The following OXR1 variants were observed in gnomAD, a reference collection of about 807,000 sequenced individuals.
OXR1 encodes oxidation resistance protein 1.
Under a neutral mutation model 104.6 loss-of-function variants are expected in OXR1, and 41 were observed. The ratio of observed to expected loss-of-function variants is 0.39; its 90% CI spans 0.31 to 0.51. The LOEUF is 0.51. Ranked by LOEUF, OXR1 falls within the 20% of genes least tolerant of loss-of-function variation. The probability of loss-of-function intolerance (pLI) is 0.77; values close to 1 mark genes in which losing one functional copy is unlikely to be tolerated. For synonymous variants in OXR1, 348 were observed against 348.4 expected, an observed-to-expected ratio of 1.00 and a Z score of 0.01; for missense variants, 955 against 1,031.9, an observed-to-expected ratio of 0.93 and a Z score of 1.02.
chr8:106,478,825 G>T (rs984015454), intron 2 of OXR1, among the ~76,000 whole-genome samples: 1 of 151,818 alleles, frequency 6.6e-6, no homozygotes, highest in Non-Finnish European at 1.5e-5. Context: ...CTGCAAGCAA[G>T]ATTTAAAAAT....
chr8:106,712,713 T>C (rs1831827318), intron 10 of OXR1, among the ~76,000 whole-genome samples: 2 of 152,050 alleles, frequency 1.3e-5, no homozygotes, highest in South Asian at 4.1e-4. Flanking sequence ...ATGTGTGTCT[T>C]CCACAACATT....
intron 15 of OXR1, among the ~76,000 whole-genome samples, chr8:106,745,081 CTA>C (rs1337441411): frequency 1.3e-5 from 2 of 152,052 alleles, no homozygotes; most frequent in African/African-American, 4.8e-5. Flanking sequence ...TGTTACATAA[CTA>C]TGAAAAACGA....
chr8:106,623,512 CACAT>C (rs980421853), intron 3 of OXR1, among the ~76,000 whole-genome samples: 11 of 152,006 alleles, frequency 7.2e-5, no homozygotes, highest in Non-Finnish European at 1.3e-4. Flanking sequence ...GAGAGACAGA[CACAT>C]ACTCAGACAA....
At chr8:106,683,840 T>C (rs759971949) in intron 5 of OXR1, among the ~76,000 whole-genome samples, 1 of 152,224 alleles carries the variant, frequency 6.6e-6, no homozygotes, top group Non-Finnish European at 1.5e-5. Flanking sequence ...ATTTCTACTC[T>C]TTTGCTAAGG....
chr8:106,606,668 T>G (rs1465569687), intron 3 of OXR1, among the ~76,000 whole-genome samples: 1 of 152,030 alleles, frequency 6.6e-6, no homozygotes, highest in African/African-American at 2.4e-5. Context: ...CACTTGGACC[T>G]TTTTGATTAC....
intron 3 of OXR1, chr8:106,522,902 G>C (rs1248220920): frequency 6.6e-6 from 1 of 152,222 alleles, no homozygotes; most frequent in African/African-American, 2.4e-5. Flanking sequence ...CTGCTCTGTA[G>C]TTCAGTCCAC....
intron 3 of OXR1, among the ~76,000 whole-genome samples, chr8:106,632,973 C>T (rs113178761): frequency 9.2e-5 from 14 of 151,388 alleles, no homozygotes; most frequent in African/African-American, 3.4e-4. Context: ...CGGTGGCTCA[C>T]ACCTGTAATC....
At chr8:106,456,561 G>A (rs1820604894) in intron 2 of OXR1, among the ~76,000 whole-genome samples, 1 of 152,110 alleles carries the variant, frequency 6.6e-6, no homozygotes. Flanking sequence ...GTAATTTGAA[G>A]AAGAAACAAA....
chr8:106,670,647 A>G (rs1185665498), intron 3 of OXR1, among the ~76,000 whole-genome samples: 1 of 152,134 alleles, frequency 6.6e-6, no homozygotes, highest in Non-Finnish European at 1.5e-5. Context: ...TTTAGCAGCA[A>G]ATTAGACACC....
chr8:106,639,391 T>G (rs1185731593), intron 3 of OXR1, among the ~76,000 whole-genome samples: 2 of 152,186 alleles, frequency 1.3e-5, no homozygotes, highest in Non-Finnish European at 2.9e-5. Flanking sequence ...AATTTTATTT[T>G]ATACAGAGAA....
chr8:106,679,329 G>C, intron 4 of OXR1, 37 bp downstream of exon 4: 3 of 1,103,594 alleles, frequency 2.7e-6, no homozygotes, highest in Non-Finnish European at 4.0e-6. Context: ...ATTTTTCTTT[G>C]TAAGAGTCTT....
intron 2 of OXR1, among the ~76,000 whole-genome samples, chr8:106,433,061 T>C (rs539588473): frequency 2.0e-5 from 3 of 152,310 alleles, no homozygotes; most frequent in African/African-American, 7.2e-5. Context: ...TAAAGAGTAA[T>C]TCACTCAGAG....
intron 2 of OXR1, among the ~76,000 whole-genome samples, chr8:106,375,066 T>C (rs1284935933): frequency 6.6e-6 from 1 of 152,218 alleles, no homozygotes; most frequent in African/African-American, 2.4e-5. Flanking sequence ...CTAAGTGACG[T>C]CCCTGTGTGT....
intron 3 of OXR1, among the ~76,000 whole-genome samples, chr8:106,568,416 C>T (rs1470454360): frequency 6.6e-6 from 1 of 152,124 alleles, no homozygotes; most frequent in Non-Finnish European, 1.5e-5. Flanking sequence ...ATGAAACCTT[C>T]CATCCTCTCC....
At chr8:106,543,735 GCAGGAAGCTATAGC>G (rs1815135266) in intron 3 of OXR1, among the ~76,000 whole-genome samples, 1 of 152,146 alleles carries the variant, frequency 6.6e-6, no homozygotes, top group African/African-American at 2.4e-5. Context: ...TGTCAATATG[GCAGGAAGCTATAGC>G]CAGGCTTTCA....
At chr8:106,744,018 A>G (rs943201499) in intron 15 of OXR1, among the ~76,000 whole-genome samples, 4 of 152,220 alleles carry the variant, frequency 2.6e-5, no homozygotes, top group African/African-American at 9.6e-5. Context: ...TTTCAGGGGA[A>G]CAACACAGAC....
At chr8:106,287,413 A>G (rs1812544858) in intron 1 of OXR1, among the ~76,000 whole-genome samples, 1 of 152,176 alleles carries the variant, frequency 6.6e-6, no homozygotes. Context: ...AGAAGAGATA[A>G]TCTGCATATT....
intron 2 of OXR1, among the ~76,000 whole-genome samples, chr8:106,397,349 A>G (rs1323125755): frequency 1.3e-5 from 2 of 152,112 alleles, no homozygotes; most frequent in Non-Finnish European, 2.9e-5. Flanking sequence ...TTTGAATCTT[A>G]AATAACAACT....
intron 2 of OXR1, among the ~76,000 whole-genome samples, chr8:106,365,291 G>A (rs1056207467): frequency 6.6e-6 from 1 of 152,098 alleles, no homozygotes; most frequent in African/African-American, 2.4e-5. Context: ...TTACGGTACT[G>A]AGAAGAGAGT....
Sources: gnomAD v4.1 joint callset for allele counts (sites outside exome capture counted in the v4.1 genomes callset) on GRCh38, gnomAD v4.1.1 for gene constraint, MANE v1.5 for transcripts, NCBI Gene and HGNC (gene_info 2026-07-23, HGNC 2026-07-21) for gene names.